POLR1D: variants seen among roughly 807,000 people sequenced by gnomAD.
POLR1D encodes RNA polymerase I and III subunit D.
Under a neutral mutation model 10.8 loss-of-function variants are expected in POLR1D, and 8 were observed. The ratio of observed to expected loss-of-function variants is 0.74; its 90% confidence interval spans 0.43 to 1.33. The LOEUF (loss-of-function observed/expected upper bound fraction) is 1.33, where lower values mean the gene tolerates loss of function less well. POLR1D is among the 40% of genes most tolerant of loss of function. The pLI is 0.01. For synonymous variants in POLR1D, 54 were observed against 57.2 expected, an observed-to-expected ratio of 0.94 and a Z score of 0.25; for missense variants, 152 against 161.7, an observed-to-expected ratio of 0.94 and a Z score of 0.32.
intron 1 of POLR1D, among the ~76,000 whole-genome samples, chr13:27,630,202 T>A (rs973585524): frequency 1.3e-5 from 2 of 152,314 alleles, no homozygotes; most frequent in Admixed American, 6.5e-5. Context: ...TGATTTTTTT[T>A]ATCTAGTACT....
rs534978633 is a variant in POLR1D, at chr13:27,623,228, G to A, written c.380G>A (p.Ser127Asn). 1 of 1,614,028 alleles carries A rather than the reference G, an allele frequency of 6.2e-7. No individual in the cohort carries two copies. Residue 127 changes from serine (S) to asparagine (N), a missense_variant, in exon 2 of 2, where the codon AGC (serine) becomes AAC (asparagine). By Grantham distance (46) the Ser-to-Asn change is conservative. Coordinates refer to ENST00000302979, the MANE Select transcript of POLR1D (RefSeq NM_015972.4). ...AAGGACTATAAGGATCAAAAAGCAA[G>A]CAGAAATGAATCCACATTCTAGTCC... ...SIKDYKDQKA[S>N]RNESTF
intron 1 of POLR1D, among the ~76,000 whole-genome samples, chr13:27,636,549 TC>T (rs977626348): frequency 1.6e-4 from 23 of 147,038 alleles, no homozygotes; most frequent in African/African-American, 6.0e-4. Flanking sequence ...ATAGTGTATG[TC>T]CCGATTTCTA....
intron 1 of POLR1D, among the ~76,000 whole-genome samples, chr13:27,643,822 A>C (rs1342809472): frequency 6.6e-6 from 1 of 152,224 alleles, no homozygotes; most frequent in African/African-American, 2.4e-5. Context: ...CTTCCCAGTC[A>C]ACAGCAGCAA....
intron 2 of POLR1D, chr13:27,660,856 C>G (rs1043158272): frequency 3.9e-5 from 6 of 152,184 alleles, no homozygotes; most frequent in Non-Finnish European, 8.8e-5. Flanking sequence ...TCTTTTCTTT[C>G]CTTTCGGATG....
At position 27,650,611 on chromosome 13, in the gene POLR1D, C is replaced by G. The variant is rs1593289780; in HGVS notation, c.101+2158C>G. On this transcript the variant is annotated intron_variant, in intron 2 of 2. Coordinates refer to the POLR1D transcript ENST00000399697. Reference sequence around the variant, plus strand: ...CCCTCTCTTTGGGCCAAACCAAACTCTTGACTACATGGGCAGGAAATGTAT... The same window carrying G: ...CCCTCTCTTTGGGCCAAACCAAACTGTTGACTACATGGGCAGGAAATGTAT... 7 of 152,342 alleles carry G rather than the reference C, an allele frequency of 4.6e-5. No individual in the cohort carries two copies. In the South Asian group the frequency reaches 1.4e-3, roughly 31 times the overall value. The allele number at this position is 152,342 out of a possible 1,614,324, so 9.4% of individuals were successfully genotyped here.
chr13:27,663,275 G>A lies in POLR1D; in HGVS notation c.102-2411G>A, dbSNP rs908909467. On this transcript the variant is annotated intron_variant, in intron 2 of 2. Coordinates refer to the POLR1D transcript ENST00000399697. This position sits in a 1 kb window ranked among gnomAD's most constrained non-coding sequence, Gnocchi z 4.1. ...GTCATCACTTCTAAAATGTGTACTG[G>A]CATGCCTGGGAGATGTCTGACTTTC... 6.6e-6 allele frequency among the ~76,000 whole-genome samples: 1 copy of A among 151,982 alleles called. No homozygotes were observed. Among genetic ancestry groups the A allele is most frequent in the African/African-American group, 2.4e-5 (1 of 41,356 alleles).
chr13:27,657,720 T>C (rs1045102977), intron 2 of POLR1D, among the ~76,000 whole-genome samples: 7 of 152,214 alleles, frequency 4.6e-5, no homozygotes, highest in African/African-American at 1.7e-4. Flanking sequence ...GTCAATCCCA[T>C]AGAAGACTTC....
intron 1 of POLR1D, 51 bp downstream of exon 1, chr13:27,622,060 G>T (rs1451046234): frequency 6.6e-7 from 1 of 1,513,998 alleles, no homozygotes; most frequent in African/African-American, 1.4e-5. Context: ...AAGGGGAGCG[G>T]GTGGCCGAGG....
intron 1 of POLR1D, among the ~76,000 whole-genome samples, chr13:27,630,841 C>A (rs1593280069): frequency 1.3e-5 from 2 of 152,152 alleles, no homozygotes; most frequent in East Asian, 1.9e-4. Flanking sequence ...TCCATAGGAG[C>A]CCTCCTGGCT....
chr13:27,664,298 T>G (rs1227903463), intron 2 of POLR1D, among the ~76,000 whole-genome samples: 1 of 152,194 alleles, frequency 6.6e-6, no homozygotes, highest in Non-Finnish European at 1.5e-5. Context: ...TGCAGAACTG[T>G]TTTTTCTTTG....
At chr13:27,626,643 G>A (rs1956013015), downstream of POLR1D, among the ~76,000 whole-genome samples, 1 of 152,150 alleles carries the variant, frequency 6.6e-6, no homozygotes, top group Non-Finnish European at 1.5e-5. Context: ...CACTCCAATA[G>A]CATTTCATTC....
At chr13:27,651,821 A>G (rs1956269546) in intron 2 of POLR1D, among the ~76,000 whole-genome samples, 1 of 152,204 alleles carries the variant, frequency 6.6e-6, no homozygotes, top group African/African-American at 2.4e-5. Context: ...GCCAGCAGGA[A>G]TTATTGTCTT....
At chr13:27,642,553 A>G (rs1956184362) in intron 1 of POLR1D, among the ~76,000 whole-genome samples, 1 of 152,064 alleles carries the variant, frequency 6.6e-6, no homozygotes, top group African/African-American at 2.4e-5. Flanking sequence ...TATTCTGTCT[A>G]CAGATGCAGT....
intron 2 of POLR1D, chr13:27,650,166 G>A: frequency 2.5e-6 from 1 of 397,580 alleles, no homozygotes; most frequent in Non-Finnish European, 4.4e-6. Flanking sequence ...GTGATAATAA[G>A]CATGGAATAT....
chr13:27,627,758 G>C (rs1956031210), downstream of POLR1D, among the ~76,000 whole-genome samples: 1 of 108,706 alleles, frequency 9.2e-6, no homozygotes, highest in South Asian at 2.9e-4. Context: ...TTTGTCCCAT[G>C]CCTGTGTGCA....
chr13:27,644,498 T>A (rs1258562683), intron 1 of POLR1D, among the ~76,000 whole-genome samples: 1 of 152,228 alleles, frequency 6.6e-6, no homozygotes, highest in Non-Finnish European at 1.5e-5. Context: ...GCTGTGCTAG[T>A]ATGGAAAATT....
At chr13:27,632,152 A>G (rs1012632368) in intron 1 of POLR1D, among the ~76,000 whole-genome samples, 17 of 152,246 alleles carry the variant, frequency 1.1e-4, no homozygotes, top group Middle Eastern at 3.4e-3. Flanking sequence ...TGTCTTGTCT[A>G]TTGGTTTAAA....
chr13:27,641,429 A>C (rs888461347), intron 1 of POLR1D, among the ~76,000 whole-genome samples: 2 of 152,162 alleles, frequency 1.3e-5, no homozygotes, highest in Non-Finnish European at 2.9e-5. Context: ...TATTAAAATC[A>C]GTGCAAGAAA....
At chr13:27,647,070 G>C (rs886264837) in intron 1 of POLR1D, among the ~76,000 whole-genome samples, 1 of 151,734 alleles carries the variant, frequency 6.6e-6, no homozygotes, top group Non-Finnish European at 1.5e-5. Context: ...TATTTGTTTT[G>C]GACTATATTT....
Sources: gnomAD v4.1 joint callset for allele counts (sites outside exome capture counted in the v4.1 genomes callset) on GRCh38, gnomAD v4.1.1 for gene constraint, Gnocchi (gnomAD v3.1) non-coding constraint, MANE v1.5 for transcripts, NCBI Gene and HGNC (gene_info 2026-07-23, HGNC 2026-07-21) for gene names.